The following MBNL2 variants were observed in gnomAD, a reference collection of about 807,000 sequenced individuals.
MBNL2 encodes muscleblind-like protein 2.
In MBNL2, 17 loss-of-function variants were observed where a neutral mutation model predicts 41.9. The ratio of observed to expected loss-of-function variants is 0.41; its 90% CI spans 0.28 to 0.61. The LOEUF (loss-of-function observed/expected upper bound fraction) is 0.61. Ranked by LOEUF, MBNL2 falls within the 20% of genes least tolerant of loss-of-function variation. The pLI is 0.35. For synonymous variants in MBNL2, 195 were observed against 182.9 expected (o/e 1.07, Z -0.53); for missense variants, 336 against 505.6 (o/e 0.66, Z 3.22).
At chr13:97,250,154 G>T (rs928618847) in intron 1 of MBNL2, among the ~76,000 whole-genome samples, 1 of 152,032 alleles carries the variant, frequency 6.6e-6, no homozygotes, top group African/African-American at 2.4e-5. Context: ...TTCTTAGGTT[G>T]AATCTTTGTT....
the MBNL2 span, among the ~76,000 whole-genome samples, chr13:97,187,690 C>G: frequency 4.0e-5 from 6 of 149,726 alleles, no homozygotes; most frequent in East Asian, 9.9e-4. Context: ...GGCAGATCAC[C>G]AGGTCAGGAG....
chr13:97,155,372 A>G, the MBNL2 span, among the ~76,000 whole-genome samples: 1 of 150,258 alleles, frequency 6.7e-6, no homozygotes, highest in Non-Finnish European at 1.5e-5. Context: ...CTGAGAAAAA[A>G]GTAATTTTCT....
chr13:97,218,420 AAAAAC>A (rs369390369), upstream of MBNL2, among the ~76,000 whole-genome samples: 3 of 115,084 alleles, frequency 2.6e-5, no homozygotes, highest in South Asian at 2.9e-4. Flanking sequence ...AAAAAAAAAC[AAAAAC>A]AAAACAAAAC....
At chr13:97,159,427 G>T in the MBNL2 span, among the ~76,000 whole-genome samples, 4 of 151,722 alleles carry the variant, frequency 2.6e-5, no homozygotes, top group African/African-American at 9.7e-5. Context: ...GTGTGAATTT[G>T]ATCCTGTCAT....
intron 5 of MBNL2, among the ~76,000 whole-genome samples, chr13:97,352,413 A>C (rs1422912828): frequency 2.0e-5 from 3 of 152,142 alleles, no homozygotes. Flanking sequence ...GCCTAATTTC[A>C]ATATAATTTT....
At chr13:97,368,500 C>A (rs1237453282) in intron 8 of MBNL2, among the ~76,000 whole-genome samples, 1 of 151,898 alleles carries the variant, frequency 6.6e-6, no homozygotes, top group African/African-American at 2.4e-5. Flanking sequence ...ATAAGTTTAG[C>A]CTTTTGGGCA....
At chr13:97,286,424 T>C (rs2152957396) in intron 2 of MBNL2, among the ~76,000 whole-genome samples, 1 of 152,296 alleles carries the variant, frequency 6.6e-6, no homozygotes, top group Admixed American at 6.5e-5. Flanking sequence ...TCATCACTTC[T>C]ATCATGACCA....
the MBNL2 span, among the ~76,000 whole-genome samples, chr13:97,170,277 C>G: frequency 2.6e-5 from 4 of 152,218 alleles, no homozygotes; most frequent in Non-Finnish European, 5.9e-5. Context: ...TTATTATTAA[C>G]TGTGAACCAG....
the MBNL2 span, among the ~76,000 whole-genome samples, chr13:97,158,034 T>C: frequency 1.3e-5 from 2 of 150,514 alleles, no homozygotes; most frequent in Non-Finnish European, 3.0e-5. Context: ...CTGGACTCTT[T>C]TTGGTTGGTA....
chr13:97,281,112 C>T (rs2053317219), intron 2 of MBNL2, among the ~76,000 whole-genome samples: 2 of 152,210 alleles, frequency 1.3e-5, no homozygotes, highest in African/African-American at 2.4e-5. Context: ...GTGTCTCATA[C>T]ATAACAGATG....
At chr13:97,310,006 CAT>C (rs2058445952) in intron 2 of MBNL2, among the ~76,000 whole-genome samples, 2 of 152,200 alleles carry the variant, frequency 1.3e-5, no homozygotes, top group Non-Finnish European at 2.9e-5. Context: ...TTTGAACATT[CAT>C]TTGAAGAGAT....
At position 97,265,873 on chromosome 13, in the gene MBNL2, G is replaced by A. The variant is rs7329603; in HGVS notation, c.-604-9759G>A. ...ACACAGCTATTCAGAGGCAGAGAGA[G>A]TAGAGTCCAGGTTAGAAAAGCTGGT... On this transcript the variant is annotated intron_variant, in intron 1 of 8. Coordinates refer to ENST00000679496, the MANE Select transcript of MBNL2 (RefSeq NM_001382683.1). Among the ~76,000 whole-genome samples the A allele has an allele frequency of 4.7e-3, 718 of 152,208 alleles. 6 individuals carry two copies. The highest frequency in any genetic ancestry group is 0.016 in the African/African-American group (678 of 41,548).
chr13:97,322,015 C>T (rs559077808), intron 2 of MBNL2, among the ~76,000 whole-genome samples: 10 of 152,302 alleles, frequency 6.6e-5, no homozygotes, highest in South Asian at 2.1e-4. Flanking sequence ...ATATGTACAA[C>T]GTTATATAAG....
intron 8 of MBNL2, among the ~76,000 whole-genome samples, chr13:97,376,372 C>T (rs997022584): frequency 1.3e-5 from 2 of 152,136 alleles, no homozygotes; most frequent in African/African-American, 2.4e-5. Flanking sequence ...CTCATCTATA[C>T]CCCTTCATTT....
chr13:97,354,954 C>G (rs981568479), intron 5 of MBNL2, among the ~76,000 whole-genome samples: 2 of 152,144 alleles, frequency 1.3e-5, no homozygotes, highest in Admixed American at 1.3e-4. Context: ...TTGTAACCTT[C>G]TTTAGCTGAT....
chr13:97,170,259 A>C, the MBNL2 span, among the ~76,000 whole-genome samples: 2 of 152,130 alleles, frequency 1.3e-5, no homozygotes, highest in Admixed American at 6.6e-5. Flanking sequence ...GATAATTACC[A>C]CTCCCATTTA....
At chr13:97,373,274 G>A (rs1388878008) in intron 8 of MBNL2, among the ~76,000 whole-genome samples, 2 of 152,066 alleles carry the variant, frequency 1.3e-5, no homozygotes, top group Non-Finnish European at 1.5e-5. Flanking sequence ...TGCCTAAGTC[G>A]TTTAGCCACC....
At chr13:97,384,196 C>T (rs145777047) in intron 8 of MBNL2, among the ~76,000 whole-genome samples, 1 of 152,166 alleles carries the variant, frequency 6.6e-6, no homozygotes, top group African/African-American at 2.4e-5. Context: ...CCACTGCACC[C>T]GGCCTATATT....
chr13:97,327,618 A>C (rs1028062820), intron 2 of MBNL2, among the ~76,000 whole-genome samples: 2 of 151,190 alleles, frequency 1.3e-5, no homozygotes, highest in Non-Finnish European at 2.9e-5. Context: ...AGCCACAGCC[A>C]GAATTTTGGG....
Sources: allele counts gnomAD v4.1 joint callset (sites outside exome capture counted in the v4.1 genomes callset), GRCh38; gene constraint gnomAD v4.1.1; transcripts MANE v1.5; gene names NCBI Gene and HGNC (gene_info 2026-07-23, HGNC 2026-07-21).